LRRC1: variants seen among roughly 807,000 people sequenced by gnomAD.
LRRC1 encodes the protein leucine rich repeat containing 1.
Under a neutral mutation model 69.9 loss-of-function variants are expected in LRRC1, and 28 were observed. The observed-to-expected ratio is 0.40, with a 90% CI of 0.30 to 0.55. The LOEUF (loss-of-function observed/expected upper bound fraction) is 0.55, where lower values mean the gene tolerates loss of function less well. Ranked by LOEUF, LRRC1 falls within the 20% of genes least tolerant of loss-of-function variation. The pLI, the probability that LRRC1 is intolerant of heterozygous loss-of-function variation, is 0.47. For synonymous variants in LRRC1, 236 were observed against 240.2 expected (o/e 0.98, Z 0.16); for missense variants, 498 against 609.0 (o/e 0.82, Z 1.92).
rs145697738 is a variant in LRRC1, at chr6:53,798,539, C to T, written c.159+3124C>T. ...GACTACAGGTGCCCACCACCACACC[C>T]AGCTAATTTTTTAGTATTTTTAGTA... On this transcript the variant is annotated intron_variant, in intron 1 of 13. Coordinates refer to ENST00000370888, the MANE Select transcript of LRRC1 (RefSeq NM_018214.5). Among the ~76,000 whole-genome samples, 299 of 152,244 alleles carry T rather than the reference C, an allele frequency of 2.0e-3. 4 individuals are homozygous for T. The East Asian group carries it at 0.041, about 21-fold the overall frequency.
intron 8 of LRRC1, among the ~76,000 whole-genome samples, 185 bp downstream of exon 8, chr6:53,900,076 C>T (rs920169650): frequency 6.2e-5 from 8 of 129,796 alleles, no homozygotes; most frequent in East Asian, 2.3e-4. Context: ...CTCGCTCTGT[C>T]GCCCAGGCTG....
At chr6:53,879,199 T>C in intron 3 of LRRC1, 128 bp downstream of exon 3, 2 of 631,196 alleles carry the variant, frequency 3.2e-6, no homozygotes. Flanking sequence ...TCAAGGATGG[T>C]TGACTTTCAC....
chr6:53,905,653 C>T (rs192618702), intron 10 of LRRC1, among the ~76,000 whole-genome samples: 33 of 152,220 alleles, frequency 2.2e-4, no homozygotes, highest in African/African-American at 6.7e-4. Flanking sequence ...TCTTGTTTTC[C>T]TAGGGCCACA....
At chr6:53,853,774 G>T (rs1360829135) in intron 2 of LRRC1, among the ~76,000 whole-genome samples, 1 of 152,176 alleles carries the variant, frequency 6.6e-6, no homozygotes, top group African/African-American at 2.4e-5. Flanking sequence ...ACCTTTGAAG[G>T]AAAAGTAAAG....
At chr6:53,879,360 A>T (rs1202225397) in intron 3 of LRRC1, among the ~76,000 whole-genome samples, 1 of 152,236 alleles carries the variant, frequency 6.6e-6, no homozygotes, top group Non-Finnish European at 1.5e-5. Flanking sequence ...GAAGAGTTGT[A>T]GTGCAACCTC....
chr6:53,804,459 TTTG>T (rs1349625320), intron 1 of LRRC1, among the ~76,000 whole-genome samples: 2 of 152,216 alleles, frequency 1.3e-5, no homozygotes, highest in Non-Finnish European at 2.9e-5. Flanking sequence ...TCACCATGTA[TTTG>T]TTGTTATTAA....
At chr6:53,824,433 AG>A (rs1364082422) in intron 1 of LRRC1, among the ~76,000 whole-genome samples, 1 of 152,024 alleles carries the variant, frequency 6.6e-6, no homozygotes, top group Non-Finnish European at 1.5e-5. Flanking sequence ...TTCATTCTGC[AG>A]GTTCTCTGTT....
At chr6:53,860,516 C>T (rs1190185618) in intron 2 of LRRC1, among the ~76,000 whole-genome samples, 2 of 109,968 alleles carry the variant, frequency 1.8e-5, no homozygotes, top group African/African-American at 3.5e-5. Context: ...TTTTTGTACT[C>T]CATTTTCTGG....
At chr6:53,891,182 A>G (rs990110289) in intron 4 of LRRC1, among the ~76,000 whole-genome samples, 1 of 152,174 alleles carries the variant, frequency 6.6e-6, no homozygotes, top group Non-Finnish European at 1.5e-5. Flanking sequence ...GGAGCTTGTT[A>G]GGTGTGCTCT....
At chr6:53,896,926 GT>G (rs1767894144) in intron 6 of LRRC1, 34 bp downstream of exon 6, 11 of 1,378,118 alleles carry the variant, frequency 8.0e-6, no homozygotes, top group Non-Finnish European at 1.1e-5. Context: ...ATTTAACTTT[GT>G]TTTTAGTTAT....
chr6:53,906,562 C>T (rs1768244863), intron 10 of LRRC1, among the ~76,000 whole-genome samples: 1 of 152,214 alleles, frequency 6.6e-6, no homozygotes, highest in South Asian at 2.1e-4. Context: ...ATAAAACTTT[C>T]ACCATCATTT....
chr6:53,911,735 G>A (rs1339670989), intron 10 of LRRC1, among the ~76,000 whole-genome samples: 1 of 152,206 alleles, frequency 6.6e-6, no homozygotes, highest in Non-Finnish European at 1.5e-5. Flanking sequence ...TGCCCCATGG[G>A]AACCTAGTCA....
At chr6:53,909,081 A>G (rs1768330241) in intron 10 of LRRC1, among the ~76,000 whole-genome samples, 1 of 152,270 alleles carries the variant, frequency 6.6e-6, no homozygotes, top group Admixed American at 6.5e-5. Context: ...ATGGATATAC[A>G]CTAAGAATGA....
intron 1 of LRRC1, among the ~76,000 whole-genome samples, chr6:53,833,779 T>C (rs1195319981): frequency 6.6e-6 from 1 of 152,212 alleles, no homozygotes; most frequent in Non-Finnish European, 1.5e-5. Context: ...GGGAGAAATA[T>C]CTCTTCAGAT....
intron 4 of LRRC1, among the ~76,000 whole-genome samples, chr6:53,893,736 T>C (rs1397607023): frequency 6.6e-6 from 1 of 152,208 alleles, no homozygotes; most frequent in Non-Finnish European, 1.5e-5. Context: ...AAATATGATA[T>C]TTTTTGTTGT....
rs1048890906 is a variant in LRRC1, at chr6:53,894,652, C to G, written c.447-1846C>G. 3.3e-5 allele frequency among the ~76,000 whole-genome samples: 5 copies of G among 152,142 alleles called. No individual in the cohort carries two copies. In the South Asian group the frequency reaches 6.2e-4, roughly 19 times the overall value. ...TGTCTTCTTAATAAAACTGGTTAGG[C>G]ATTACATGGAAATTTAAAACTGAAA... On this transcript the variant is annotated intron_variant, in intron 4 of 13. Coordinates refer to ENST00000370888, the MANE Select transcript of LRRC1 (RefSeq NM_018214.5).
intron 4 of LRRC1, among the ~76,000 whole-genome samples, chr6:53,896,175 C>A (rs932202122): frequency 6.6e-6 from 1 of 152,170 alleles, no homozygotes; most frequent in Non-Finnish European, 1.5e-5. Flanking sequence ...CTGTCTCAGT[C>A]CTGAGAGTGG....
intron 1 of LRRC1, 105 bp downstream of exon 1, chr6:53,795,520 A>G: frequency 8.6e-7 from 1 of 1,166,544 alleles, no homozygotes; most frequent in Non-Finnish European, 1.2e-6. Flanking sequence ...GCGTGAAGGA[A>G]CCTTCCCTCT....
chr6:53,882,858 C>T, intron 3 of LRRC1, 29 bp from the exon 4 acceptor site: 1 of 1,414,880 alleles, frequency 7.1e-7, no homozygotes, highest in South Asian at 1.2e-5. Flanking sequence ...TTTTAATTTA[C>T]AGCGTTTTGT....
Sources: gnomAD v4.1 joint callset for allele counts (sites outside exome capture counted in the v4.1 genomes callset) on GRCh38, gnomAD v4.1.1 for gene constraint, MANE v1.5 for transcripts, NCBI Gene and HGNC (gene_info 2026-07-23, HGNC 2026-07-21) for gene names.